Variants in PRPSAP2 observed in about 807,000 individuals in gnomAD.
PRPSAP2 encodes phosphoribosyl pyrophosphate synthase-associated protein 2.
A neutral mutation model predicts 40.6 loss-of-function variants in PRPSAP2; 24 were observed. That is an observed-to-expected ratio of 0.59 (90% confidence interval 0.43 to 0.83). The LOEUF is 0.83. Ranked by LOEUF, PRPSAP2 falls within the 40% of genes least tolerant of loss-of-function variation. The probability of loss-of-function intolerance (pLI) is 0.00; values close to 1 mark genes in which losing one functional copy is unlikely to be tolerated. For synonymous variants in PRPSAP2, 149 were observed against 164.7 expected (o/e 0.90, Z 0.73); for missense variants, 292 against 465.6 (o/e 0.63, Z 3.43).
chr17:18,871,102 C>T (rs2037828663), intron 4 of PRPSAP2, among the ~76,000 whole-genome samples: 1 of 152,090 alleles, frequency 6.6e-6, no homozygotes, highest in Non-Finnish European at 1.5e-5. Flanking sequence ...TTACTGCAAC[C>T]TCTGCCTCCC....
chr17:18,863,176 C>T (rs1440872687), intron 1 of PRPSAP2, among the ~76,000 whole-genome samples: 1 of 151,928 alleles, frequency 6.6e-6, no homozygotes, highest in African/African-American at 2.4e-5. Context: ...TCCCATCGTC[C>T]AGGCAGGAGT....
At chr17:18,926,798 G>GTGTGTT (rs968320098) in intron 10 of PRPSAP2, among the ~76,000 whole-genome samples, 3 of 151,836 alleles carry the variant, frequency 2.0e-5, no homozygotes, top group Admixed American at 6.6e-5. Flanking sequence ...GTGTGTGTGT[G>GTGTGTT]TGTGTTTGTG....
At chr17:18,875,438 G>A (rs928813730) in intron 5 of PRPSAP2, among the ~76,000 whole-genome samples, 1 of 151,878 alleles carries the variant, frequency 6.6e-6, no homozygotes, top group Non-Finnish European at 1.5e-5. Context: ...GGTCATGAGC[G>A]CCTGTAGTCC....
upstream of PRPSAP2, among the ~76,000 whole-genome samples, chr17:18,857,347 TAACA>T (rs1195318498): frequency 6.6e-6 from 1 of 150,974 alleles, no homozygotes. Context: ...AACAAAAAAC[TAACA>T]AACGAACAAA....
intron 1 of PRPSAP2, among the ~76,000 whole-genome samples, chr17:18,861,871 C>G (rs1022397903): frequency 3.2e-5 from 4 of 125,728 alleles, no homozygotes; most frequent in Admixed American, 2.4e-4. Flanking sequence ...GAAGAGGAAT[C>G]TCAGCATGTT....
intron 9 of PRPSAP2, among the ~76,000 whole-genome samples, chr17:18,914,916 C>T (rs925711428): frequency 6.6e-6 from 1 of 151,786 alleles, no homozygotes; most frequent in Non-Finnish European, 1.5e-5. Context: ...ATAGAGATGG[C>T]ATTCCACCAT....
chr17:18,858,406 C>T (rs867473315), intron 1 of PRPSAP2, 145 bp downstream of exon 1: 45 of 152,530 alleles, frequency 3.0e-4, no homozygotes, highest in African/African-American at 1.0e-3. Context: ...TGGGGGCTCA[C>T]TGGGGCGATC....
At chr17:18,918,157 A>G (rs1297187450) in intron 9 of PRPSAP2, among the ~76,000 whole-genome samples, 1 of 152,156 alleles carries the variant, frequency 6.6e-6, no homozygotes, top group African/African-American at 2.4e-5. Context: ...GTAGATCCCA[A>G]CTGAGGTGGA....
intron 5 of PRPSAP2, among the ~76,000 whole-genome samples, chr17:18,876,774 C>G (rs190858391): frequency 6.6e-6 from 1 of 152,154 alleles, no homozygotes; most frequent in African/African-American, 2.4e-5. Flanking sequence ...TGAACAGAGA[C>G]TAGAGAAGGT....
intron 3 of PRPSAP2, among the ~76,000 whole-genome samples, chr17:18,866,697 G>T (rs2037458720): frequency 6.6e-6 from 1 of 152,156 alleles, no homozygotes; most frequent in African/African-American, 2.4e-5. Flanking sequence ...GGGATTATCA[G>T]TGAGTCAAGA....
rs2037394803 is a variant in PRPSAP2, at chr17:18,865,973, T to C, written c.119+21T>C. On this transcript the variant is annotated intron_variant, in intron 3 of 11. Coordinates refer to ENST00000268835, the MANE Select transcript of PRPSAP2 (RefSeq NM_002767.4). ...GCAGAGTGAGTTATAATTGTACCATTAAAATCTATATTCATTATGTGATGC... is the reference window on the plus strand; with the variant it reads ...GCAGAGTGAGTTATAATTGTACCATCAAAATCTATATTCATTATGTGATGC... 6 of 1,374,058 alleles carry C rather than the reference T, an allele frequency of 4.4e-6. No homozygotes were observed. In the East Asian group the frequency reaches 1.6e-4, roughly 37 times the overall value. The allele number at this position is 1,374,058 out of a possible 1,614,324, so 85.1% of individuals were successfully genotyped here.
rs574672485 is a variant in PRPSAP2, at chr17:18,900,746, C to T, written c.585-10357C>T. On this transcript the variant is annotated intron_variant, in intron 8 of 11. Transcript: ENST00000268835. Reference sequence around the variant, plus strand: ...ACCACCTAAGGTGGTCCTTGTTACTCATGGGTGGAAATGCTCCCTCCATGT... The same window carrying T: ...ACCACCTAAGGTGGTCCTTGTTACTTATGGGTGGAAATGCTCCCTCCATGT... 2.0e-5 allele frequency among the ~76,000 whole-genome samples: 3 copies of T among 152,218 alleles called. No individual in the cohort carries two copies. In the South Asian group the frequency reaches 6.2e-4, roughly 32 times the overall value.
At position 18,928,724 on chromosome 17, in the gene PRPSAP2, G is replaced by A. The variant is rs781770054; in HGVS notation, c.805-87G>A. ...GAAGAGCAGATTTTTCACGGTAAAT[G>A]TAGGCAGACCCTTTTTTTTTCCTGG... On this transcript the variant is annotated intron_variant, in intron 10 of 11. Coordinates refer to ENST00000268835, the MANE Select transcript of PRPSAP2 (RefSeq NM_002767.4). 10 of 1,561,452 alleles carry A rather than the reference G, an allele frequency of 6.4e-6. No homozygotes were observed. In the South Asian group the frequency reaches 6.7e-5, roughly 10 times the overall value.
In PRPSAP2 at chr17:18,907,973, CTACAAAAAA is replaced by C. The variant is rs890316929; in HGVS notation, c.585-3122_585-3114del. Among the ~76,000 whole-genome samples the C allele has an allele frequency of 5.3e-5, 8 of 152,220 alleles. No homozygotes were observed. In the East Asian group the frequency reaches 5.8e-4, roughly 11 times the overall value. On this transcript the variant is annotated intron_variant, in intron 8 of 11. Transcript: ENST00000268835. ...CCAATATGATGATGAAACCCCATCTCTACAAAAAATACAAAATTAGCCGAGCGTGGTGGC... is the reference window on the plus strand; with the variant it reads ...CCAATATGATGATGAAACCCCATCTCTACAAAATTAGCCGAGCGTGGTGGC...
intron 8 of PRPSAP2, among the ~76,000 whole-genome samples, chr17:18,906,292 T>C (rs535180272): frequency 6.6e-6 from 1 of 152,104 alleles, no homozygotes; most frequent in Non-Finnish European, 1.5e-5. Flanking sequence ...TATAGCTCAG[T>C]GCAGCCTTGA....
rs142523345 is a variant in PRPSAP2 at position 18,871,653 on chromosome 17, C to CT, written c.173-906dup. ...GCTGATTGAATGAGTATATAATTTT[C>CT]TTTTTTTTTTTTTTTTTTTTTTTTG... On this transcript the variant is annotated intron_variant, in intron 4 of 11. Coordinates refer to ENST00000268835, the MANE Select transcript of PRPSAP2 (RefSeq NM_002767.4). Among the ~76,000 whole-genome samples the CT allele has an allele frequency of 8.2e-3, 1,067 of 129,366 alleles. 11 individuals are homozygous for CT. Among genetic ancestry groups the CT allele is most frequent in the South Asian group, 0.021 (75 of 3,524 alleles). The allele number at this position is 129,366 out of a possible 152,430, so 84.9% of individuals were successfully genotyped here. A position where few individuals can be genotyped will look rare whatever the true frequency, so the allele number is the denominator to read the frequency against.
chr17:18,903,400 AAC>A (rs1222501826), intron 8 of PRPSAP2, among the ~76,000 whole-genome samples: 1 of 149,142 alleles, frequency 6.7e-6, no homozygotes, highest in Non-Finnish European at 1.5e-5. Context: ...GTAGTAAAAT[AAC>A]ACAGTCAAGG....
chr17:18,888,742 C>T (rs1330560363), intron 7 of PRPSAP2, among the ~76,000 whole-genome samples: 1 of 50,622 alleles, frequency 2.0e-5, no homozygotes, highest in Non-Finnish European at 4.8e-5. Context: ...GGCGGCTGGC[C>T]GGGCGGGGGG....
chr17:18,869,055 AGG>A (rs2037646298), intron 4 of PRPSAP2, among the ~76,000 whole-genome samples: 1 of 152,132 alleles, frequency 6.6e-6, no homozygotes, highest in South Asian at 2.1e-4. Flanking sequence ...CTTCCTCTAG[AGG>A]GGATTGAATG....
Sources: gnomAD v4.1 joint callset for allele counts (sites outside exome capture counted in the v4.1 genomes callset) on GRCh38, gnomAD v4.1.1 for gene constraint, MANE v1.5 for transcripts, NCBI Gene and HGNC (gene_info 2026-07-23, HGNC 2026-07-21) for gene names.